The following CCDC3 variants were observed in gnomAD, a reference collection of about 807,000 sequenced individuals.
The protein encoded by CCDC3 is coiled-coil domain-containing protein 3.
CCDC3 carries 24 observed loss-of-function variants against 21.4 expected under a neutral mutation model. The observed-to-expected ratio is 1.12, with a 90% CI of 0.81 to 1.58. The LOEUF is 1.58. CCDC3 is among the 40% of genes most tolerant of loss of function. The probability of loss-of-function intolerance (pLI) is 0.00; values close to 1 mark genes in which losing one functional copy is unlikely to be tolerated. For synonymous variants in CCDC3, 186 were observed against 166.0 expected, an observed-to-expected ratio of 1.12 and a Z score of -0.93; for missense variants, 425 against 360.9, an observed-to-expected ratio of 1.18 and a Z score of -1.44.
intron 3 of CCDC3, among the ~76,000 whole-genome samples, chr10:13,082,892 T>C (rs571074977): frequency 6.6e-6 from 1 of 152,332 alleles, no homozygotes; most frequent in East Asian, 1.9e-4. Context: ...TGATTAATAA[T>C]ATTCATATAT....
chr10:13,059,284 G>A (rs145811410), intron 4 of CCDC3, among the ~76,000 whole-genome samples: 13 of 152,320 alleles, frequency 8.5e-5, no homozygotes, highest in African/African-American at 2.6e-4. Context: ...CAACTTTGCG[G>A]AGCGGACCTC....
At chr10:12,920,119 G>A (rs538888179) in intron 2 of CCDC3, among the ~76,000 whole-genome samples, 1 of 152,144 alleles carries the variant, frequency 6.6e-6, no homozygotes, top group Admixed American at 6.5e-5. Flanking sequence ...AGAAAAAGAG[G>A]TTTAATGGAC....
chr10:12,958,760 C>A (rs1185663240), intron 2 of CCDC3, among the ~76,000 whole-genome samples: 1 of 152,180 alleles, frequency 6.6e-6, no homozygotes, highest in East Asian at 1.9e-4. Context: ...CTGACATCAG[C>A]CTCATCCTCA....
chr10:13,039,644 G>A lies in CCDC3; in HGVS notation c.-2+10030C>T, dbSNP rs1272616465. Among the ~76,000 whole-genome samples the A allele has an allele frequency of 2.0e-5, 3 of 152,202 alleles. No individual in the cohort carries two copies. The South Asian group carries it at 6.2e-4, about 32-fold the overall frequency. ...TGCTGCTTTGCAGATGGATAGTATC[G>A]GGACAGAGATTAAAGTTGGGAGAGT... On this transcript the variant is annotated intron_variant, in intron 5 of 6. Coordinates refer to the CCDC3 transcript ENST00000378839.
At chr10:13,049,625 G>A (rs969134040) in intron 5 of CCDC3, 4 of 152,082 alleles carry the variant, frequency 2.6e-5, no homozygotes, top group Non-Finnish European at 2.9e-5. Flanking sequence ...TTTTTTAAAC[G>A]CCCTTTTATG....
At chr10:12,981,231 G>T (rs1835493315) in intron 2 of CCDC3, among the ~76,000 whole-genome samples, 1 of 146,772 alleles carries the variant, frequency 6.8e-6, no homozygotes, top group South Asian at 2.2e-4. Flanking sequence ...CCAGACAGGA[G>T]TGTGGTGGCG....
rs571195976 is a variant in CCDC3 at position 12,982,047 on chromosome 10, GGGA to G, written c.549+16288_549+16290del. 2.7e-3 allele frequency among the ~76,000 whole-genome samples: 393 copies of G among 147,522 alleles called. 1 individual carries two copies. The highest frequency in any genetic ancestry group is 9.3e-3 in the African/African-American group (369 of 39,654). ...TGACGCAGGAGAATTGCTTGAACTC[GGGA>G]GGCAGAGGTTGCAGTGAGCCGAGAT... On this transcript the variant is annotated intron_variant, in intron 2 of 2. Coordinates refer to ENST00000378825, the MANE Select transcript of CCDC3 (RefSeq NM_031455.4).
intron 5 of CCDC3, among the ~76,000 whole-genome samples, chr10:13,009,285 G>T (rs1056610892): frequency 1.1e-4 from 16 of 152,082 alleles, no homozygotes; most frequent in African/African-American, 3.6e-4. Context: ...TTTGAAAATG[G>T]AGATATATAT....
intron 4 of CCDC3, among the ~76,000 whole-genome samples, chr10:13,069,536 CA>C (rs1836859343): frequency 6.6e-6 from 1 of 152,174 alleles, no homozygotes; most frequent in Non-Finnish European, 1.5e-5. Flanking sequence ...ATTTCTAACA[CA>C]TAACAGACTT....
At chr10:13,089,081 A>G (rs1837148208) in intron 3 of CCDC3, among the ~76,000 whole-genome samples, 1 of 152,186 alleles carries the variant, frequency 6.6e-6, no homozygotes, top group Non-Finnish European at 1.5e-5. Flanking sequence ...GGTCTACGAC[A>G]AATTCCCTCC....
intron 3 of CCDC3, among the ~76,000 whole-genome samples, chr10:13,090,393 A>G (rs1832549627): frequency 6.6e-6 from 1 of 152,006 alleles, no homozygotes; most frequent in Admixed American, 6.6e-5. Context: ...TGGCCATACC[A>G]TTTCTTTATC....
chr10:12,970,839 G>A (rs1008711364), intron 2 of CCDC3, among the ~76,000 whole-genome samples: 2 of 151,230 alleles, frequency 1.3e-5, no homozygotes, highest in Admixed American at 6.6e-5. Context: ...GCAGTGAGCT[G>A]AGATCGCATC....
chr10:13,061,448 A>G (rs1434105575), intron 4 of CCDC3, among the ~76,000 whole-genome samples: 1 of 152,246 alleles, frequency 6.6e-6, no homozygotes, highest in Non-Finnish European at 1.5e-5. Flanking sequence ...GGACGAAAAC[A>G]GTCAAACTCT....
intron 2 of CCDC3, among the ~76,000 whole-genome samples, chr10:12,906,241 C>G (rs995606951): frequency 2.0e-5 from 3 of 152,174 alleles, no homozygotes; most frequent in Non-Finnish European, 4.4e-5. Context: ...GAGGGACAAC[C>G]TGAGATGACT....
chr10:12,962,152 G>A (rs926309267), intron 2 of CCDC3, among the ~76,000 whole-genome samples: 1 of 152,170 alleles, frequency 6.6e-6, no homozygotes, highest in South Asian at 2.1e-4. Context: ...CGGCTTCTCT[G>A]AAGTGGAAGG....
chr10:12,959,755 C>G (rs1318206636), intron 2 of CCDC3, among the ~76,000 whole-genome samples: 1 of 152,134 alleles, frequency 6.6e-6, no homozygotes, highest in Admixed American at 6.5e-5. Context: ...CATGGCTGGT[C>G]AAAGCCAGAG....
At chr10:13,032,394 G>C (rs1351506414) in intron 5 of CCDC3, among the ~76,000 whole-genome samples, 1 of 152,082 alleles carries the variant, frequency 6.6e-6, no homozygotes, top group South Asian at 2.1e-4. Context: ...ATACTGAATG[G>C]GCAAAAACTG....
Position 12,898,213 on chromosome 10 carries a change from G to A in CCDC3, c.*203C>T, listed in dbSNP as rs1588994636. The A allele has an allele frequency of 1.6e-6, 1 of 638,254 alleles. No homozygotes were observed. The highest frequency in any genetic ancestry group is 1.8e-5 in the African/African-American group (1 of 54,742). The allele number at this position is 638,254 out of a possible 1,614,324, so 39.5% of individuals were successfully genotyped here. ...GGCACTGCGTCTGGGGTCAGGCCAG[G>A]AAGGGGCAGCGCGTGGGGTCTGACA... is the stretch of plus-strand genomic sequence containing the variant. On this transcript the variant is annotated 3_prime_UTR_variant, in exon 3 of 3. Coordinates refer to ENST00000378825, the MANE Select transcript of CCDC3 (RefSeq NM_031455.4).
chr10:12,984,242 G>T (rs1335109317), intron 2 of CCDC3, among the ~76,000 whole-genome samples: 6 of 152,196 alleles, frequency 3.9e-5, no homozygotes, highest in Admixed American at 6.5e-5. Context: ...ATTGGACAAA[G>T]GACTTGAATA....
Sources: gnomAD v4.1 joint callset for allele counts (sites outside exome capture counted in the v4.1 genomes callset) on GRCh38, gnomAD v4.1.1 for gene constraint, MANE v1.5 for transcripts, NCBI Gene and HGNC (gene_info 2026-07-23, HGNC 2026-07-21) for gene names.